ZNF14: variants seen among roughly 807,000 people sequenced by gnomAD.
The protein encoded by ZNF14 is gonadotropin inducible transcription repressor-4.
In ZNF14, 9 loss-of-function variants were observed where a neutral mutation model predicts 11.3. That is an observed-to-expected ratio of 0.80 (90% CI 0.48 to 1.39). The LOEUF is 1.39. Among genes scored for constraint, ZNF14 ranks in the 40% most tolerant of loss-of-function variants. ZNF14 has a pLI of 0.00. For synonymous variants in ZNF14, 239 were observed against 245.7 expected, an observed-to-expected ratio of 0.97 and a Z score of 0.25; for missense variants, 711 against 763.9, an observed-to-expected ratio of 0.93 and a Z score of 0.82.
intron 1 of ZNF14, among the ~76,000 whole-genome samples, chr19:19,730,120 C>A (rs889782347): frequency 6.6e-6 from 1 of 152,120 alleles, no homozygotes; most frequent in African/African-American, 2.4e-5. Flanking sequence ...TGGGTTCAAG[C>A]AATTCTAATT....
At position 19,720,804 on chromosome 19, in the gene ZNF14, A is replaced by G. The variant is rs1310257168; in HGVS notation, c.4-6317T>C. 6.6e-6 allele frequency among the ~76,000 whole-genome samples: 1 copy of G among 152,252 alleles called. No homozygotes were observed. The highest frequency in any genetic ancestry group is 1.5e-5 in the Non-Finnish European group (1 of 68,040). On this transcript the variant is annotated intron_variant, in intron 1 of 3. Transcript: ENST00000344099. The surrounding 1 kb of genome is among the most constrained non-coding windows in gnomAD (Gnocchi z 4.1). ...TCCACCTACCCTATAATCCCACAGC[A>G]GCAAGATGTATATAGAAATTAACCA...
chr19:19,717,468 A>G (rs2062381059), intron 1 of ZNF14, among the ~76,000 whole-genome samples: 1 of 152,214 alleles, frequency 6.6e-6, no homozygotes, highest in Non-Finnish European at 1.5e-5. Context: ...GATTGATTAA[A>G]TCATTACACA....
Position 19,712,707 on chromosome 19 carries a change from C to T in ZNF14, c.574G>A (p.Ala192Thr), listed in dbSNP as rs560197252. 2 of 1,612,870 alleles carry T rather than the reference C, an allele frequency of 1.2e-6. No homozygotes were observed. The highest frequency in any genetic ancestry group is 2.2e-5 in the East Asian group (1 of 44,816). ...QPFQRHERTH[A>T]GQKPYECKQC... Reference sequence around the variant, plus strand: ...TTACATTCATAGGGTTTCTGTCCAGCATGAGTCCTTTCATGTCTTTGAAAT... The same window carrying T: ...TTACATTCATAGGGTTTCTGTCCAGTATGAGTCCTTTCATGTCTTTGAAAT... The change falls in exon 4 of 4, where the codon GCT becomes ACT. Residue 192 changes from alanine (A) to threonine (T), a missense_variant. Coordinates refer to ENST00000344099, the MANE Select transcript of ZNF14 (RefSeq NM_021030.3).
chr19:19,712,787 C>G lies in ZNF14; in HGVS notation c.494G>C (p.Gly165Ala). 1 of 1,614,178 alleles carries G rather than the reference C, an allele frequency of 6.2e-7. No individual in the cohort carries two copies. The highest frequency in any genetic ancestry group is 8.5e-7 in the Non-Finnish European group (1 of 1,180,028). ...CFRKHERTHT[G>A]VKPYECKQCG... is the part of the protein sequence containing the mutation. ...CTGTTTACATTCATAGGGCTTCACT[C>G]CAGTGTGAGTTCTTTCATGTTTGCG... Residue 165 changes from glycine (G) to alanine (A), a missense_variant, in exon 4 of 4, where the codon GGA becomes GCA. Transcript: ENST00000344099.
At position 19,725,485 on chromosome 19, in the gene ZNF14, C is replaced by G. The variant is rs1294297283; in HGVS notation, c.3+7471G>C. ...GGGCTTCCCTCTGTGGGGAACAAGA[C>G]CTTTCTCTCTGGCTGCCCTTAACAT... is the stretch of plus-strand genomic sequence containing the variant. On this transcript the variant is annotated intron_variant, in intron 1 of 3. Transcript: ENST00000344099. Among the ~76,000 whole-genome samples, 2 of 134,018 alleles carry G rather than the reference C, an allele frequency of 1.5e-5. 1 individual carries two copies. Among genetic ancestry groups the G allele is most frequent in the African/African-American group, 5.5e-5 (2 of 36,228 alleles). The allele number at this position is 134,018 out of a possible 152,430, so 87.9% of individuals were successfully genotyped here.
chr19:19,715,829 C>T (rs926685279), intron 1 of ZNF14, among the ~76,000 whole-genome samples: 1 of 152,188 alleles, frequency 6.6e-6, no homozygotes, highest in African/African-American at 2.4e-5. Context: ...TTTAAAATTT[C>T]TTTTAATTCC....
In ZNF14 at chr19:19,727,594, T is replaced by C. The variant is rs1277297023; in HGVS notation, c.3+5362A>G. Among the ~76,000 whole-genome samples the C allele has an allele frequency of 2.2e-5, 3 of 133,910 alleles. No homozygotes were observed. The East Asian group carries it at 6.3e-4, about 28-fold the overall frequency. The allele number at this position is 133,910 out of a possible 152,430, so 87.9% of individuals were successfully genotyped here. ...CAACTCATACCTAAAATCACACGAT[T>C]ACCAGAACACACTCCACATGTACTT... On this transcript the variant is annotated intron_variant, in intron 1 of 3. Coordinates refer to ENST00000344099, the MANE Select transcript of ZNF14 (RefSeq NM_021030.3).
At chr19:19,723,696 G>C in intron 1 of ZNF14, among the ~76,000 whole-genome samples, 1 of 132,894 alleles carries the variant, frequency 7.5e-6, no homozygotes, top group Non-Finnish European at 1.7e-5. Flanking sequence ...GAATCTGGCT[G>C]TGAATCCATC....
At chr19:19,721,188 C>T (rs571879227) in intron 1 of ZNF14, among the ~76,000 whole-genome samples, 4 of 152,194 alleles carry the variant, frequency 2.6e-5, no homozygotes, top group African/African-American at 9.6e-5. Flanking sequence ...GAACTCCTGA[C>T]CTCATGATCT....
chr19:19,712,290 C>T lies in ZNF14; in HGVS notation c.991G>A (p.Gly331Arg). 1.2e-6 allele frequency: 2 copies of T among 1,613,992 alleles called. No homozygotes were observed. The highest frequency in any genetic ancestry group is 1.7e-6 in the Non-Finnish European group (2 of 1,179,990). Reference sequence around the variant, plus strand: ...TCTTTACATTTATAAGGTCGAGCCCCAGTGTGTATTATTACATGTGCTCGA... The same window carrying T: ...TCTTTACATTTATAAGGTCGAGCCCTAGTGTGTATTATTACATGTGCTCGA... ...SFRAHVIIHT[G>R]ARPYKCKECG... The change falls in exon 4 of 4, where the codon GGG becomes AGG. Residue 331 changes from glycine to arginine, a missense_variant. Coordinates refer to ENST00000344099, the MANE Select transcript of ZNF14 (RefSeq NM_021030.3).
Position 19,713,020 on chromosome 19 carries a change from C to A in ZNF14, c.261G>T (p.Met87Ile). 6.2e-7 allele frequency: 1 copy of A among 1,614,034 alleles called. No homozygotes were observed. The highest frequency in any genetic ancestry group is 1.1e-5 in the South Asian group (1 of 91,040). The change falls in exon 4 of 4, where the codon ATG (methionine) becomes ATT (isoleucine). Residue 87 changes from methionine (M) to isoleucine (I), a missense_variant. Coordinates refer to ENST00000344099, the MANE Select transcript of ZNF14 (RefSeq NM_021030.3). ...GSKCGETTSQ[M>I]PNVNINKETF... is the part of the protein sequence containing the mutation. ...TTTCCTTGTTGATATTAACATTTGG[C>A]ATCTGGCTAGTGGTTTCTCCACATT... is the stretch of plus-strand genomic sequence containing the variant.
intron 1 of ZNF14, among the ~76,000 whole-genome samples, chr19:19,723,224 T>G (rs1050165559): frequency 6.6e-6 from 1 of 152,218 alleles, no homozygotes; most frequent in Admixed American, 6.5e-5. Context: ...TTGTCATAGA[T>G]AGCTCTTATT....
chr19:19,724,648 G>A (rs1280322869), intron 1 of ZNF14, among the ~76,000 whole-genome samples: 2 of 133,566 alleles, frequency 1.5e-5, no homozygotes, highest in African/African-American at 5.5e-5. Flanking sequence ...TTAACTTTCT[G>A]TCTTGTTGAT....
Position 19,714,121 on chromosome 19 carries a change from T to C in ZNF14, c.161A>G (p.Asp54Gly), listed in dbSNP as rs543600452. Residue 54 changes from aspartate (D) to glycine (G), a missense_variant, in exon 3 of 4, where the codon GAT becomes GGT. Asp to Gly is a moderately conservative substitution (Grantham distance 94, BLOSUM62 -1). Transcript: ENST00000344099. ...ATTTTTCCCCTGGTTTCTGTGGTCA[T>C]CTTCAATGTCCTGGTCTTCCCACTT... ...GKKWEDQDIE[D>G]DHRNQGKNRR... 9.1e-4 allele frequency: 1,470 copies of C among 1,613,518 alleles called. 22 individuals carry two copies. The South Asian group carries it at 0.015, about 17-fold the overall frequency.
chr19:19,713,605 C>G (rs1016133899), intron 3 of ZNF14, among the ~76,000 whole-genome samples: 1 of 152,098 alleles, frequency 6.6e-6, no homozygotes, highest in Non-Finnish European at 1.5e-5. Context: ...CACACCACCA[C>G]AGCTGGCTAA....
chr19:19,713,008 A>G lies in ZNF14; in HGVS notation c.273T>C (p.Asn91=). ...GETTSQMPNV[N]INKETFTGAK... is the part of the protein sequence containing the mutation. ...CTCCAGTAAAAGTTTCCTTGTTGATATTAACATTTGGCATCTGGCTAGTGG... is the reference window on the plus strand; with the variant it reads ...CTCCAGTAAAAGTTTCCTTGTTGATGTTAACATTTGGCATCTGGCTAGTGG... Residue 91 remains asparagine (N), a synonymous_variant, in exon 4 of 4, where the codon AAT becomes AAC. Transcript: ENST00000344099. 1.9e-6 allele frequency: 3 copies of G among 1,614,124 alleles called. No homozygotes were observed. Among genetic ancestry groups the G allele is most frequent in the Non-Finnish European group, 2.5e-6 (3 of 1,180,028 alleles).
chr19:19,719,466 A>G (rs1205645623), intron 1 of ZNF14, among the ~76,000 whole-genome samples: 1 of 152,216 alleles, frequency 6.6e-6, no homozygotes, highest in Non-Finnish European at 1.5e-5. Context: ...AATTGGGAAT[A>G]CTTTTTCATG....
At chr19:19,728,941 T>G (rs972613279) in intron 1 of ZNF14, among the ~76,000 whole-genome samples, 1 of 152,172 alleles carries the variant, frequency 6.6e-6, no homozygotes, top group African/African-American at 2.4e-5. Flanking sequence ...AAAATCCTCA[T>G]AGTAGAATTA....
chr19:19,717,036 T>C (rs1361185350), intron 1 of ZNF14, among the ~76,000 whole-genome samples: 1 of 152,146 alleles, frequency 6.6e-6, no homozygotes, highest in Non-Finnish European at 1.5e-5. Flanking sequence ...ACATCGACTG[T>C]GCCCTAAAAT....
Sources: gnomAD v4.1 joint callset for allele counts (sites outside exome capture counted in the v4.1 genomes callset) on GRCh38, gnomAD v4.1.1 for gene constraint, Gnocchi (gnomAD v3.1) non-coding constraint, MANE v1.5 for transcripts, NCBI Gene and HGNC (gene_info 2026-07-23, HGNC 2026-07-21) for gene names.